FBXO47: variants seen among roughly 807,000 people sequenced by gnomAD.
FBXO47 encodes the protein F-box only protein 47.
Under a neutral mutation model 53.9 loss-of-function variants are expected in FBXO47, and 34 were observed. That is an observed-to-expected ratio of 0.63 (90% confidence interval 0.48 to 0.84). FBXO47 has a LOEUF of 0.84. Ranked by LOEUF, FBXO47 falls within the 40% of genes least tolerant of loss-of-function variation. The probability of loss-of-function intolerance (pLI) is 0.00; values close to 1 mark genes in which losing one functional copy is unlikely to be tolerated. For missense variants in FBXO47, 485 were observed against 541.3 expected (o/e 0.90, Z 1.03); for synonymous variants, 165 against 181.6 (o/e 0.91, Z 0.73).
intron 4 of FBXO47, among the ~76,000 whole-genome samples, chr17:38,955,830 C>T (rs138697139): frequency 0.026 from 3,943 of 151,788 alleles, 175 homozygotes; most frequent in African/African-American, 0.09. Flanking sequence ...TGGTGGCGCA[C>T]GCCTGTAATC....
chr17:38,939,909 C>T (rs1904432731), intron 9 of FBXO47, among the ~76,000 whole-genome samples: 1 of 151,432 alleles, frequency 6.6e-6, no homozygotes, highest in Admixed American at 6.6e-5. Context: ...CCTCATGATC[C>T]ACCCGCCTCG....
chr17:38,944,871 T>A, intron 7 of FBXO47, 89 bp downstream of exon 7: 1 of 987,670 alleles, frequency 1.0e-6, no homozygotes, highest in Non-Finnish European at 1.6e-6. Context: ...TGTGTGTGTG[T>A]ATAATATATG....
chr17:38,938,197 A>G (rs939781592), intron 10 of FBXO47, among the ~76,000 whole-genome samples: 5 of 152,218 alleles, frequency 3.3e-5, no homozygotes, highest in Non-Finnish European at 7.3e-5. Context: ...TGGTTACTTA[A>G]TAAAGCTGTA....
intron 10 of FBXO47, among the ~76,000 whole-genome samples, chr17:38,938,322 T>C (rs1042244708): frequency 6.6e-6 from 1 of 152,244 alleles, no homozygotes; most frequent in Non-Finnish European, 1.5e-5. Context: ...TCTTCAACTT[T>C]ATATTCTCCA....
intron 9 of FBXO47, among the ~76,000 whole-genome samples, chr17:38,940,393 A>C (rs953131078): frequency 1.3e-5 from 2 of 151,916 alleles, no homozygotes; most frequent in Non-Finnish European, 2.9e-5. Flanking sequence ...TCTGCCAAAA[A>C]CACAAAGCCA....
intron 9 of FBXO47, among the ~76,000 whole-genome samples, chr17:38,939,498 C>T (rs1202742904): frequency 6.7e-6 from 1 of 149,122 alleles, no homozygotes; most frequent in African/African-American, 2.5e-5. Context: ...AGGTGATAGA[C>T]AAATGGGCAA....
chr17:38,947,381 G>A (rs1905000514), intron 6 of FBXO47, among the ~76,000 whole-genome samples: 1 of 151,980 alleles, frequency 6.6e-6, no homozygotes. Flanking sequence ...CTGGAGTGCA[G>A]TGGCATGACT....
chr17:38,952,815 CTTTT>C (rs139105548), intron 5 of FBXO47, among the ~76,000 whole-genome samples: 10 of 115,354 alleles, frequency 8.7e-5, no homozygotes, highest in Non-Finnish European at 3.5e-5. Context: ...TTATTTATGA[CTTTT>C]TTTTTTTTTT....
chr17:38,965,806 C>T (rs550674277), intron 1 of FBXO47, among the ~76,000 whole-genome samples: 6 of 150,298 alleles, frequency 4.0e-5, no homozygotes, highest in African/African-American at 1.5e-4. Flanking sequence ...TCGCTTGAAC[C>T]CGGGAGGCGG....
intron 1 of FBXO47, 39 bp from the exon 2 acceptor site, chr17:38,963,090 G>A: frequency 1.6e-6 from 2 of 1,272,542 alleles, no homozygotes; most frequent in Non-Finnish European, 2.2e-6. Context: ...AAGAAAGAAA[G>A]GAAATTAAAG....
chr17:38,963,334 T>C (rs1236373333), intron 1 of FBXO47, among the ~76,000 whole-genome samples: 1 of 152,008 alleles, frequency 6.6e-6, no homozygotes, highest in African/African-American at 2.4e-5. Context: ...TGTGCCACCA[T>C]GCCCAGCTAA....
chr17:38,960,717 C>T (rs573369621), intron 3 of FBXO47, among the ~76,000 whole-genome samples: 6 of 150,914 alleles, frequency 4.0e-5, no homozygotes, highest in Non-Finnish European at 8.9e-5. Context: ...CTGCAACCTC[C>T]ATCTCCTGGG....
chr17:38,956,863 C>G (rs920356031), intron 4 of FBXO47, among the ~76,000 whole-genome samples: 1 of 152,142 alleles, frequency 6.6e-6, no homozygotes. Context: ...AATACAATAT[C>G]TACATCACTA....
At chr17:38,938,778 C>CTA in intron 9 of FBXO47, 46 bp from the exon 10 acceptor site, 1 of 1,437,280 alleles carries the variant, frequency 7.0e-7, no homozygotes, top group Non-Finnish European at 9.4e-7. Context: ...GTGAAGAAAG[C>CTA]TATAGAATTT....
intron 3 of FBXO47, among the ~76,000 whole-genome samples, chr17:38,959,369 G>A (rs1905706098): frequency 6.6e-6 from 1 of 151,824 alleles, no homozygotes; most frequent in Non-Finnish European, 1.5e-5. Context: ...GATCACTTGA[G>A]GACAGGAGTT....
intron 6 of FBXO47, among the ~76,000 whole-genome samples, chr17:38,949,630 C>T (rs1366318186): frequency 2.0e-5 from 3 of 152,104 alleles, no homozygotes. Flanking sequence ...TTTACTTTCC[C>T]GCCAGCAATA....
chr17:38,938,515 G>C, intron 10 of FBXO47, 58 bp downstream of exon 10: 1 of 1,221,422 alleles, frequency 8.2e-7, no homozygotes, highest in East Asian at 2.4e-5. Flanking sequence ...CTCTGTTTTA[G>C]GTGGAGACTA....
At chr17:38,947,073 C>CAT (rs1228057958) in intron 6 of FBXO47, among the ~76,000 whole-genome samples, 31 of 122,280 alleles carry the variant, frequency 2.5e-4, no homozygotes, top group Admixed American at 5.8e-4. Context: ...TATATATAAA[C>CAT]ATATATAAAC....
chr17:38,937,501 C>T (rs1364466033), intron 10 of FBXO47, among the ~76,000 whole-genome samples: 2 of 151,622 alleles, frequency 1.3e-5, no homozygotes, highest in Non-Finnish European at 2.9e-5. Flanking sequence ...GGATTACAGG[C>T]ATGTACCACC....
Sources: allele counts gnomAD v4.1 joint callset (sites outside exome capture counted in the v4.1 genomes callset), GRCh38; gene constraint gnomAD v4.1.1; transcripts MANE v1.5; gene names NCBI Gene and HGNC (gene_info 2026-07-23, HGNC 2026-07-21).